RAD51AP1: variants seen among roughly 807,000 people sequenced by gnomAD.
The protein encoded by RAD51AP1 is RAD51-associated protein 1.
Under a neutral mutation model 34.3 loss-of-function variants are expected in RAD51AP1, and 14 were observed. The ratio of observed to expected loss-of-function variants is 0.41; its 90% CI spans 0.27 to 0.64. The LOEUF (loss-of-function observed/expected upper bound fraction) is 0.64, where lower values mean the gene tolerates loss of function less well. Among genes scored for constraint, RAD51AP1 ranks in the 30% least tolerant of loss-of-function variants. RAD51AP1 has a pLI of 0.33. For missense variants in RAD51AP1, 348 were observed against 386.9 expected (o/e 0.90, Z 0.84); for synonymous variants, 114 against 129.8 (o/e 0.88, Z 0.83).
chr12:4,555,750 A>C (rs1944577474), intron 7 of RAD51AP1, among the ~76,000 whole-genome samples: 1 of 151,616 alleles, frequency 6.6e-6, no homozygotes, highest in Non-Finnish European at 1.5e-5. Flanking sequence ...ATCCTCACTC[A>C]CCTCCTTCTA....
chr12:4,539,525 T>G lies in RAD51AP1; in HGVS notation c.17+569T>G, dbSNP rs544878138. Reference sequence around the variant, plus strand: ...ATTGAATATATTCACTTCTTTAGTGTACGAGGTGCTGGAGGTTACATTCCA... The same window carrying G: ...ATTGAATATATTCACTTCTTTAGTGGACGAGGTGCTGGAGGTTACATTCCA... On this transcript the variant is annotated intron_variant, in intron 1 of 8. Transcript: ENST00000352618. 1.3e-4 allele frequency among the ~76,000 whole-genome samples: 20 copies of G among 152,296 alleles called. No homozygotes were observed. In the South Asian group the frequency reaches 4.1e-3, roughly 32 times the overall value.
intron 1 of RAD51AP1, 23 bp from the exon 2 acceptor site, chr12:4,541,860 GA>G: frequency 7.3e-7 from 1 of 1,377,958 alleles, no homozygotes; most frequent in Non-Finnish European, 9.7e-7. Context: ...TTGTGTTAAT[GA>G]AAAAATTCTG....
rs542362221 is a variant in RAD51AP1, at chr12:4,548,729, A to G, written c.449A>G (p.Gln150Arg). Residue 150 changes from glutamine to arginine, a missense_variant, in exon 6 of 9, where the codon CAA (glutamine) becomes CGA (arginine). Gln to Arg is a conservative substitution (Grantham distance 43). Transcript: ENST00000352618. ...GTGGAAGATGATGTTGGTGGTGTTC[A>G]AGGGAAAAGAAAAGCAGCATCTAAA... ...ITVEDDVGGV[Q>R]GKRKAASKAA... 106 of 1,614,092 alleles carry G rather than the reference A, an allele frequency of 6.6e-5. 2 individuals are homozygous for G. The South Asian group carries it at 1.2e-3, about 18-fold the overall frequency.
At chr12:4,550,244 C>G (rs1479290620) in intron 6 of RAD51AP1, among the ~76,000 whole-genome samples, 1 of 152,226 alleles carries the variant, frequency 6.6e-6, no homozygotes, top group African/African-American at 2.4e-5. Flanking sequence ...CATTTCTGAA[C>G]AAGCTTGTTA....
At chr12:4,548,055 A>G in intron 4 of RAD51AP1, 37 bp from the exon 5 acceptor site, 2 of 1,558,662 alleles carry the variant, frequency 1.3e-6, no homozygotes, top group Non-Finnish European at 1.7e-6. Context: ...ATTGATTAAG[A>G]TATATCTGAA....
intron 7 of RAD51AP1, 39 bp downstream of exon 7, chr12:4,553,186 T>C (rs1944558643): frequency 1.4e-6 from 2 of 1,421,030 alleles, no homozygotes; most frequent in African/African-American, 3.0e-5. Context: ...ATAAAGGAAA[T>C]GTATGTGGTT....
intron 2 of RAD51AP1, 24 bp from the exon 3 acceptor site, chr12:4,543,739 T>G: frequency 6.7e-7 from 1 of 1,491,708 alleles, no homozygotes; most frequent in South Asian, 1.3e-5. Flanking sequence ...ATTTTTCTTT[T>G]GGTTTTAATT....
At chr12:4,548,615 GTC>G in intron 5 of RAD51AP1, 70 bp from the exon 6 acceptor site, 3 of 1,505,490 alleles carry the variant, frequency 2.0e-6, no homozygotes, top group Non-Finnish European at 2.7e-6. Flanking sequence ...CTGTAATAGA[GTC>G]TGGTCTGCAG....
chr12:4,546,164 C>A, intron 3 of RAD51AP1, 145 bp from the exon 4 acceptor site: 1 of 621,110 alleles, frequency 1.6e-6, no homozygotes, highest in Non-Finnish European at 2.8e-6. Context: ...ATCTTATCAT[C>A]AAAGGTCTAT....
In RAD51AP1 at chr12:4,558,740, A is replaced by G. The variant is rs1006597907; in HGVS notation, c.872-117A>G. 6.7e-6 allele frequency: 8 copies of G among 1,199,040 alleles called. No homozygotes were observed. In the African/African-American group the frequency reaches 1.1e-4, roughly 16 times the overall value. The allele number at this position is 1,199,040 out of a possible 1,614,324, so 74.3% of individuals were successfully genotyped here. ...CTTTTGATCTAGTTTATTGCTTGAT[A>G]GACACTGGAAAGCAGAATAATGCTT... On this transcript the variant is annotated intron_variant, in intron 8 of 8. Coordinates refer to ENST00000352618, the MANE Select transcript of RAD51AP1 (RefSeq NM_006479.5).
chr12:4,539,625 A>G (rs1369903774), intron 1 of RAD51AP1, among the ~76,000 whole-genome samples: 1 of 152,176 alleles, frequency 6.6e-6, no homozygotes, highest in African/African-American at 2.4e-5. Flanking sequence ...ACTACTTTAA[A>G]TATAGTAGTT....
chr12:4,554,417 G>A (rs1944568536), intron 7 of RAD51AP1, among the ~76,000 whole-genome samples: 1 of 152,160 alleles, frequency 6.6e-6, no homozygotes, highest in African/African-American at 2.4e-5. Flanking sequence ...GCCATGTAAG[G>A]TAACATATTC....
intron 6 of RAD51AP1, among the ~76,000 whole-genome samples, 159 bp from the exon 7 acceptor site, chr12:4,552,824 G>C (rs974791699): frequency 6.6e-6 from 1 of 152,218 alleles, no homozygotes; most frequent in African/African-American, 2.4e-5. Context: ...GTCTGAGGAT[G>C]CAAACCCAGG....
At chr12:4,555,238 C>T (rs1272256341) in intron 7 of RAD51AP1, among the ~76,000 whole-genome samples, 1 of 152,166 alleles carries the variant, frequency 6.6e-6, no homozygotes, top group Non-Finnish European at 1.5e-5. Context: ...TGTTTATTCT[C>T]TAGATAAATG....
In RAD51AP1 at chr12:4,556,257, A is replaced by G. The variant is rs181301479; in HGVS notation, c.722-96A>G. The G allele has an allele frequency of 1.9e-3, 1,769 of 924,992 alleles. 12 individuals carry two copies. Among genetic ancestry groups the G allele is most frequent in the Non-Finnish European group, 1.4e-3 (812 of 596,796 alleles). The allele number at this position is 924,992 out of a possible 1,614,324, so 57.3% of individuals were successfully genotyped here. ...TTGTTGATTAATAAGTTTATTTTTT[A>G]TATGATTATGTAACTTTATAATTTT... On this transcript the variant is annotated intron_variant, in intron 7 of 8. Transcript: ENST00000352618.
intron 3 of RAD51AP1, chr12:4,545,721 T>C (rs1944501066): frequency 5.7e-6 from 9 of 1,583,696 alleles, no homozygotes; most frequent in Non-Finnish European, 6.9e-6. Flanking sequence ...CTTTATAGTC[T>C]GCCTTTTATA....
intron 1 of RAD51AP1, among the ~76,000 whole-genome samples, chr12:4,540,720 ATTCAGCTCTAACTTCTTTAAC>A (rs766419010): frequency 2.6e-5 from 4 of 152,302 alleles, no homozygotes; most frequent in Non-Finnish European, 4.4e-5. Flanking sequence ...TTCACATTTT[ATTCAGCTCTAACTTCTTTAAC>A]TCTGAAGAGT....
chr12:4,548,010 A>G (rs560966095), intron 4 of RAD51AP1, 82 bp from the exon 5 acceptor site: 3 of 1,353,392 alleles, frequency 2.2e-6, no homozygotes, highest in African/African-American at 3.0e-5. Context: ...TCTAAATGCT[A>G]TTACATTTTA....
chr12:4,543,720 G>T, intron 2 of RAD51AP1, 43 bp from the exon 3 acceptor site: 1 of 1,398,488 alleles, frequency 7.2e-7, no homozygotes, highest in Non-Finnish European at 9.6e-7. Context: ...CATTTATGAA[G>T]AAAATAATAT....
Sources: allele counts gnomAD v4.1 joint callset (sites outside exome capture counted in the v4.1 genomes callset), GRCh38; gene constraint gnomAD v4.1.1; transcripts MANE v1.5; gene names NCBI Gene and HGNC (gene_info 2026-07-23, HGNC 2026-07-21).